The following DDI2 variants were observed in gnomAD, a reference collection of about 807,000 sequenced individuals.
The protein encoded by DDI2 is protein DDI1 homolog 2.
A neutral mutation model predicts 48.1 loss-of-function variants in DDI2; 5 were observed. The observed-to-expected ratio is 0.10, with a 90% CI of 0.05 to 0.22. The LOEUF is 0.22. DDI2 is among the 10% of genes least tolerant of loss of function. The pLI is 1.00. For missense variants in DDI2, 285 were observed against 506.2 expected (o/e 0.56, Z 4.19); for synonymous variants, 205 against 183.6 (o/e 1.12, Z -0.94).
At chr1:15,637,075 T>C (rs891477617) in intron 4 of DDI2, among the ~76,000 whole-genome samples, 14 of 152,196 alleles carry the variant, frequency 9.2e-5, no homozygotes, top group African/African-American at 2.4e-4. Context: ...TATTTGATAA[T>C]GTTTTTAAAA....
At chr1:15,624,783 T>C (rs1369771474) in intron 1 of DDI2, among the ~76,000 whole-genome samples, 1 of 152,090 alleles carries the variant, frequency 6.6e-6, no homozygotes, top group Non-Finnish European at 1.5e-5. Context: ...ATTGCCAAGG[T>C]ATGATTTTTT....
rs2148310703 is a variant in DDI2, at chr1:15,663,905, C to A, written c.*4115C>A. 6.6e-6 allele frequency: 1 copy of A among 152,140 alleles called. No homozygotes were observed. Among genetic ancestry groups the A allele is most frequent in the African/African-American group, 2.4e-5 (1 of 41,492 alleles). 9.4% of individuals were successfully genotyped at this position (152,140 alleles called of 1,614,324 possible). On this transcript the variant is annotated 3_prime_UTR_variant, in exon 10 of 10. Transcript: ENST00000480945. ...CAGTGTGGATATTTGGGAAACAGTT[C>A]CAAGTGGAATATATAATATCAGTCG...
chr1:15,638,490 G>A (rs1397603116), intron 5 of DDI2, 56 bp downstream of exon 5: 20 of 1,575,756 alleles, frequency 1.3e-5, no homozygotes, highest in Admixed American at 1.1e-4. Context: ...TACCTGACAC[G>A]GGAGAAGGGG....
chr1:15,656,933 A>T (rs1362782505), intron 9 of DDI2: 8 of 371,790 alleles, frequency 2.2e-5, no homozygotes, highest in Admixed American at 4.4e-5. Context: ...AGTGTCTATT[A>T]TATCTACCCC....
At chr1:15,655,677 C>T (rs896556856) in intron 8 of DDI2, among the ~76,000 whole-genome samples, 12 of 150,644 alleles carry the variant, frequency 8.0e-5, no homozygotes, top group East Asian at 1.9e-4. Context: ...TGCTTGAAGC[C>T]GGGAAGCAGA....
At chr1:15,633,345 C>G in intron 3 of DDI2, 94 bp from the exon 4 acceptor site, 1 of 1,432,032 alleles carries the variant, frequency 7.0e-7, no homozygotes, top group Non-Finnish European at 9.5e-7. Flanking sequence ...GCATCTCTTA[C>G]AGATGTAGTT....
At position 15,665,727 on chromosome 1, in the gene DDI2, A is replaced by G. The variant is rs1290733769; in HGVS notation, c.*5937A>G. On this transcript the variant is annotated 3_prime_UTR_variant, in exon 10 of 10. Transcript: ENST00000480945. ...CTTTTATCCCGCCACATATATAAAT[A>G]TATATATATATAGCAAACAGCCTTG... The G allele has an allele frequency of 6.6e-6, 1 of 151,580 alleles. No individual in the cohort carries two copies. Among genetic ancestry groups the G allele is most frequent in the Non-Finnish European group, 1.5e-5 (1 of 67,860 alleles). 9.4% of individuals were successfully genotyped at this position (151,580 alleles called of 1,614,324 possible). A position where few individuals can be genotyped will look rare whatever the true frequency, so the allele number is the denominator to read the frequency against.
chr1:15,660,155 C>T lies in DDI2; in HGVS notation c.*365C>T. 6.2e-7 allele frequency: 1 copy of T among 1,614,212 alleles called. No individual in the cohort carries two copies. The highest frequency in any genetic ancestry group is 1.3e-5 in the African/African-American group (1 of 75,060). The stretch of plus-strand genomic sequence containing the variant: ...CCAACAGACCAGAGTCCAGCTATGC[C>T]TATGCAGAATTCATCCGAAGAAATA... On this transcript the variant is annotated 3_prime_UTR_variant, in exon 10 of 10. Transcript: ENST00000480945.
At chr1:15,619,227 T>C (rs546410542) in intron 1 of DDI2, among the ~76,000 whole-genome samples, 1 of 152,022 alleles carries the variant, frequency 6.6e-6, no homozygotes, top group Non-Finnish European at 1.5e-5. Flanking sequence ...TTCAAGCGAT[T>C]CTCCTGCCTC....
chr1:15,639,681 T>C (rs67349836), intron 5 of DDI2, among the ~76,000 whole-genome samples: 54,363 of 151,940 alleles, frequency 0.36, 11,583 homozygotes, highest in African/African-American at 0.59. Flanking sequence ...GTAGGCTGAT[T>C]GGGAACTCCT....
intron 7 of DDI2, 73 bp downstream of exon 7, chr1:15,649,896 G>A: frequency 1.4e-6 from 2 of 1,417,360 alleles, no homozygotes; most frequent in South Asian, 2.7e-5. Context: ...TATTTTTATT[G>A]GTTACATATA....
chr1:15,638,923 C>T, intron 5 of DDI2, among the ~76,000 whole-genome samples: 1 of 152,052 alleles, frequency 6.6e-6, no homozygotes. Flanking sequence ...GTGGTGTCTC[C>T]TTTTTCTTCC....
rs184673205 is a variant in DDI2, at chr1:15,646,501, A to G, written c.889+2851A>G. On this transcript the variant is annotated intron_variant, in intron 6 of 9. Transcript: ENST00000480945. ...CAGGAGTTCGAGACCAGCCTGGCCAACATGGTGAAACCCTGTCTCTACTAA... is the reference window on the plus strand; with the variant it reads ...CAGGAGTTCGAGACCAGCCTGGCCAGCATGGTGAAACCCTGTCTCTACTAA... 2.1e-4 allele frequency among the ~76,000 whole-genome samples: 32 copies of G among 152,270 alleles called. No homozygotes were observed. In the East Asian group the frequency reaches 6.0e-3, roughly 28 times the overall value.
At chr1:15,626,878 C>T (rs1639763477) in intron 2 of DDI2, 80 bp downstream of exon 2, 16 of 1,561,512 alleles carry the variant, frequency 1.0e-5, no homozygotes, top group African/African-American at 1.4e-5. Context: ...GTTTTGGATT[C>T]GCTTTGGATT....
intron 5 of DDI2, among the ~76,000 whole-genome samples, chr1:15,639,983 T>G (rs1639982057): frequency 6.6e-6 from 1 of 151,342 alleles, no homozygotes; most frequent in Admixed American, 6.6e-5. Flanking sequence ...TGTGCCACTG[T>G]GCCCCAGCCT....
In DDI2 at chr1:15,630,313, T is replaced by C; in HGVS notation, c.269-12T>C. The C allele has an allele frequency of 6.2e-7, 1 of 1,613,218 alleles. No homozygotes were observed. ...AGTAATTTGAGTAAACTGAATTGAT[T>C]TTCCCCAACAGACTTACCCCGAATA... is the stretch of plus-strand genomic sequence containing the variant. On this transcript the variant is annotated splice_polypyrimidine_tract_variant and intron_variant, in intron 2 of 9. Coordinates refer to ENST00000480945, the MANE Select transcript of DDI2 (RefSeq NM_032341.5).
intron 6 of DDI2, among the ~76,000 whole-genome samples, chr1:15,646,512 C>T (rs972687755): frequency 6.6e-6 from 1 of 152,030 alleles, no homozygotes; most frequent in African/African-American, 2.4e-5. Context: ...CATGGTGAAA[C>T]CCTGTCTCTA....
At position 15,659,993 on chromosome 1, in the gene DDI2, C is replaced by T; in HGVS notation, c.*203C>T. The T allele has an allele frequency of 6.2e-7, 1 of 1,614,178 alleles. No individual in the cohort carries two copies. The highest frequency in any genetic ancestry group is 8.5e-7 in the Non-Finnish European group (1 of 1,180,024). ...TCTGCTTCAGTCTGCCCTATCAAGC[C>T]CAGTGACTCAGATCGCATTGAACCT... On this transcript the variant is annotated 3_prime_UTR_variant, in exon 10 of 10. Transcript: ENST00000480945.
intron 9 of DDI2, 48 bp downstream of exon 9, chr1:15,656,727 A>AT: frequency 6.2e-7 from 1 of 1,610,866 alleles, no homozygotes; most frequent in Non-Finnish European, 8.5e-7. Context: ...GTCATCTGTG[A>AT]TCTGACAGTC....
Sources: gnomAD v4.1 joint callset for allele counts (sites outside exome capture counted in the v4.1 genomes callset) on GRCh38, gnomAD v4.1.1 for gene constraint, MANE v1.5 for transcripts, NCBI Gene and HGNC (gene_info 2026-07-23, HGNC 2026-07-21) for gene names.